ROBO2: variants seen among roughly 807,000 people sequenced by gnomAD.
The protein encoded by ROBO2 is roundabout guidance receptor 2.
A neutral mutation model predicts 160.8 loss-of-function variants in ROBO2; 53 were observed. The observed-to-expected ratio is 0.33, with a 90% CI of 0.26 to 0.41. The LOEUF (loss-of-function observed/expected upper bound fraction) is 0.41. Ranked by LOEUF, ROBO2 falls within the 10% of genes least tolerant of loss-of-function variation. The pLI is 1.00. For synonymous variants in ROBO2, 664 were observed against 611.7 expected (o/e 1.09, Z -1.26); for missense variants, 1,577 against 1,722.4 (o/e 0.92, Z 1.49).
chr3:77,241,684 C>A (rs1205701075), intron 2 of ROBO2, among the ~76,000 whole-genome samples: 1 of 152,176 alleles, frequency 6.6e-6, no homozygotes, highest in Non-Finnish European at 1.5e-5. Flanking sequence ...CAAGTTAAGT[C>A]AGGTGGCAGA....
intron 2 of ROBO2, among the ~76,000 whole-genome samples, chr3:76,670,271 T>C (rs1462501266): frequency 1.3e-5 from 2 of 151,932 alleles, no homozygotes; most frequent in Non-Finnish European, 2.9e-5. Flanking sequence ...TGAATTTCCC[T>C]GGTTTTAATA....
At chr3:76,659,906 G>C (rs1302689516) in intron 2 of ROBO2, among the ~76,000 whole-genome samples, 2 of 152,108 alleles carry the variant, frequency 1.3e-5, no homozygotes, top group Non-Finnish European at 2.9e-5. Flanking sequence ...ACAGTGCTAA[G>C]AAAATGTTCC....
At chr3:77,495,633 C>T (rs891936015) in intron 5 of ROBO2, among the ~76,000 whole-genome samples, 3 of 152,116 alleles carry the variant, frequency 2.0e-5, no homozygotes, top group Non-Finnish European at 2.9e-5. Flanking sequence ...GGTATGCTAT[C>T]GAATGTGCCC....
chr3:77,563,264 C>A, exon 11 of ROBO2: 1 of 1,613,660 alleles, frequency 6.2e-7, no homozygotes, highest in South Asian at 1.1e-5. Flanking sequence ...ACAGTGTCAC[C>A]TTGTCCTGGC....
At chr3:76,008,515 T>G (rs1052994297) in intron 2 of ROBO2, among the ~76,000 whole-genome samples, 8 of 152,186 alleles carry the variant, frequency 5.3e-5, no homozygotes, top group Non-Finnish European at 1.0e-4. Flanking sequence ...TGAAGTATCT[T>G]GCAAATTCAA....
chr3:76,856,345 C>T (rs141214323), intron 2 of ROBO2, among the ~76,000 whole-genome samples: 1 of 152,110 alleles, frequency 6.6e-6, no homozygotes, highest in Non-Finnish European at 1.5e-5. Context: ...TGTTTTAAGA[C>T]ACATATATGG....
At chr3:77,394,423 A>G (rs1447122853) in intron 2 of ROBO2, among the ~76,000 whole-genome samples, 8 of 152,088 alleles carry the variant, frequency 5.3e-5, no homozygotes, top group Admixed American at 4.6e-4. Context: ...CAGTTAAAAG[A>G]CTGGTGAAGT....
chr3:77,029,857 T>C (rs995609775), intron 2 of ROBO2, among the ~76,000 whole-genome samples: 11 of 152,202 alleles, frequency 7.2e-5, no homozygotes, highest in Non-Finnish European at 1.0e-4. Flanking sequence ...TTTTAAAGAC[T>C]ACTTTATGAA....
At chr3:76,146,295 A>G (rs948732734) in intron 2 of ROBO2, among the ~76,000 whole-genome samples, 1 of 152,044 alleles carries the variant, frequency 6.6e-6, no homozygotes, top group South Asian at 2.1e-4. Flanking sequence ...GGGACTCACA[A>G]TTTCCATCCC....
In ROBO2 at chr3:77,308,874, G is replaced by A. The variant is rs2063314645; in HGVS notation, c.389-168540G>A. 2.6e-5 allele frequency among the ~76,000 whole-genome samples: 4 copies of A among 152,192 alleles called. No individual in the cohort carries two copies. The South Asian group carries it at 8.3e-4, about 32-fold the overall frequency. Reference sequence around the variant, plus strand: ...CTATATAGATACATGTATAGAAAATGGTTGATCTGGGATTTAATCCAAGGT... The same window carrying A: ...CTATATAGATACATGTATAGAAAATAGTTGATCTGGGATTTAATCCAAGGT... On this transcript the variant is annotated intron_variant, in intron 2 of 25. Transcript: ENST00000461745.
At chr3:77,428,627 A>T (rs1236351489) in intron 2 of ROBO2, among the ~76,000 whole-genome samples, 1 of 151,958 alleles carries the variant, frequency 6.6e-6, no homozygotes, top group East Asian at 1.9e-4. Flanking sequence ...AAGTGCTGGG[A>T]TTACAGGCGT....
intron 2 of ROBO2, among the ~76,000 whole-genome samples, chr3:77,459,623 G>A (rs547644009): frequency 2.0e-5 from 3 of 152,302 alleles, no homozygotes; most frequent in Admixed American, 1.3e-4. Flanking sequence ...AATATGATAT[G>A]TGTGATCTTG....
chr3:76,486,680 T>A (rs2079516021), intron 2 of ROBO2, among the ~76,000 whole-genome samples: 1 of 152,140 alleles, frequency 6.6e-6, no homozygotes, highest in Admixed American at 6.6e-5. Context: ...TGAGGGCAAA[T>A]TCTAAAGGAT....
chr3:76,979,569 G>C (rs1308854328), intron 2 of ROBO2, among the ~76,000 whole-genome samples: 1 of 151,572 alleles, frequency 6.6e-6, no homozygotes, highest in Non-Finnish European at 1.5e-5. Flanking sequence ...TTGCTGAATG[G>C]TATTGGGGTG....
chr3:77,166,675 C>T (rs1033717276), intron 2 of ROBO2, among the ~76,000 whole-genome samples: 1 of 152,188 alleles, frequency 6.6e-6, no homozygotes, highest in African/African-American at 2.4e-5. Context: ...TCTCCTGCCT[C>T]AGCCTCCCGA....
At chr3:77,054,538 G>A (rs1181872803) in intron 1 of ROBO2, among the ~76,000 whole-genome samples, 1 of 152,054 alleles carries the variant, frequency 6.6e-6, no homozygotes, top group Non-Finnish European at 1.5e-5. Flanking sequence ...CACATTCCTG[G>A]TTAATAAGGA....
chr3:77,292,366 G>T (rs1270732301), intron 2 of ROBO2, among the ~76,000 whole-genome samples: 1 of 152,012 alleles, frequency 6.6e-6, no homozygotes, highest in South Asian at 2.1e-4. Context: ...ACGGTTAAAT[G>T]GGTAAGCTGA....
At chr3:76,406,846 A>G (rs190569692) in intron 2 of ROBO2, among the ~76,000 whole-genome samples, 1 of 152,024 alleles carries the variant, frequency 6.6e-6, no homozygotes, top group East Asian at 1.9e-4. Flanking sequence ...TGTTTCATAC[A>G]TATAGTCAAG....
intron 8 of ROBO2, among the ~76,000 whole-genome samples, chr3:77,554,514 G>C (rs906011141): frequency 6.6e-6 from 1 of 151,946 alleles, no homozygotes; most frequent in Non-Finnish European, 1.5e-5. Flanking sequence ...TTCTGGAAAG[G>C]ATATACCATT....
Sources: allele counts gnomAD v4.1 joint callset (sites outside exome capture counted in the v4.1 genomes callset), GRCh38; gene constraint gnomAD v4.1.1; transcripts MANE v1.5; gene names NCBI Gene and HGNC (gene_info 2026-07-23, HGNC 2026-07-21).